Variants in PSMB5 observed in about 807,000 individuals in gnomAD.
The protein encoded by PSMB5 is proteasome subunit beta type-5.
In PSMB5, 2 loss-of-function variants were observed where a neutral mutation model predicts 22.8. The ratio of observed to expected loss-of-function variants is 0.09; its 90% confidence interval spans 0.04 to 0.28. The LOEUF is 0.28. Among genes scored for constraint, PSMB5 ranks in the 10% least tolerant of loss-of-function variants. The probability of loss-of-function intolerance (pLI) is 1.00; values close to 1 mark genes in which losing one functional copy is unlikely to be tolerated. For missense variants in PSMB5, 269 were observed against 343.8 expected (o/e 0.78, Z 1.72); for synonymous variants, 133 against 135.3 (o/e 0.98, Z 0.12).
chr14:23,028,936 C>T (rs1029628477), intron 2 of PSMB5, among the ~76,000 whole-genome samples: 5 of 152,176 alleles, frequency 3.3e-5, no homozygotes, highest in East Asian at 1.9e-4. Flanking sequence ...CTCTCTTGTG[C>T]GCCACAAACC....
chr14:23,035,061 G>A (rs2046982263), upstream of PSMB5: 2 of 1,275,416 alleles, frequency 1.6e-6, no homozygotes, highest in Non-Finnish European at 1.0e-6. Context: ...TCACTGAAGG[G>A]GGTCGGGGAA....
upstream of PSMB5, chr14:23,035,191 A>G (rs9323251): frequency 0.012 from 4,148 of 344,570 alleles, 150 homozygotes; most frequent in African/African-American, 0.078. Context: ...GAAAACGTCC[A>G]TGTTGCGTAA....
At chr14:23,030,714 G>T (rs570301313) in intron 2 of PSMB5, among the ~76,000 whole-genome samples, 1 of 152,052 alleles carries the variant, frequency 6.6e-6, no homozygotes, top group South Asian at 2.1e-4. Flanking sequence ...ATCACCCGAG[G>T]TCAGGAGTTT....
At chr14:23,029,210 C>G (rs1321665211) in intron 2 of PSMB5, among the ~76,000 whole-genome samples, 2 of 152,134 alleles carry the variant, frequency 1.3e-5, no homozygotes, top group African/African-American at 4.8e-5. Flanking sequence ...TCAGGTGATT[C>G]TGATGTCTAC....
chr14:23,033,247 G>T, intron 2 of PSMB5, 121 bp downstream of exon 2: 1 of 1,029,742 alleles, frequency 9.7e-7, no homozygotes, highest in East Asian at 2.4e-5. Context: ...AGAGAAGGAA[G>T]GGCTAAGGAC....
chr14:23,026,195 G>C lies in PSMB5; in HGVS notation c.686C>G (p.Ser229Ter). The change falls in exon 3 of 3, where the codon TCA becomes TGA. Residue 229 changes from serine (S) to a stop codon, truncating the protein, a stop_gained. Coordinates refer to ENST00000361611, the MANE Select transcript of PSMB5 (RefSeq NM_002797.5). LOFTEE classifies it high-confidence loss of function. ...GTGGTAGAGGTTGACTGCACCTCCT[G>C]AGTAGGCATCTCTGTAGGTGGCTTG... ...IYQATYRDAYSGGAVNLYHVR... is the reference protein window; with the variant it reads ...IYQATYRDAY The C allele has an allele frequency of 6.2e-7, 1 of 1,614,116 alleles. No homozygotes were observed. Among genetic ancestry groups the C allele is most frequent in the Non-Finnish European group, 8.5e-7 (1 of 1,180,008 alleles).
rs1252417164 is a variant in PSMB5 at position 23,027,425 on chromosome 14, A to T, written c.506-1050T>A. 4.3e-5 allele frequency among the ~76,000 whole-genome samples: 4 copies of T among 92,752 alleles called. No homozygotes were observed. The East Asian group carries it at 6.6e-4, about 15-fold the overall frequency. The allele number at this position is 92,752 out of a possible 152,430, so 60.8% of individuals were successfully genotyped here. A position where few individuals can be genotyped will look rare whatever the true frequency, so the allele number is the denominator to read the frequency against. On this transcript the variant is annotated intron_variant, in intron 2 of 2. Transcript: ENST00000361611. ...ATAATAATAATAAATAAATAAAATA[A>T]TATATATATATATAAAAGAGAAACC...
At chr14:23,033,940 G>A (rs1035856818) in intron 1 of PSMB5, among the ~76,000 whole-genome samples, 2 of 152,110 alleles carry the variant, frequency 1.3e-5, no homozygotes, top group Admixed American at 1.3e-4. Context: ...GGAGACCAAG[G>A]CGGGAGGACC....
intron 2 of PSMB5, among the ~76,000 whole-genome samples, chr14:23,028,583 T>C (rs1285244720): frequency 6.6e-6 from 1 of 152,252 alleles, no homozygotes; most frequent in African/African-American, 2.4e-5. Context: ...ATATTTCTAT[T>C]GCTGGTATAG....
chr14:23,033,448 A>G lies in PSMB5; in HGVS notation c.425T>C (p.Leu142Pro). The G allele has an allele frequency of 6.2e-7, 1 of 1,614,086 alleles. No individual in the cohort carries two copies. The highest frequency in any genetic ancestry group is 8.5e-7 in the Non-Finnish European group (1 of 1,180,020). ...TTTGTACTGATACACCATGTTGGCA[A>G]GCAGTTTGGAGGCAGCTGCTACAGA... Reference protein sequence around the residue: ...RISVAAASKLLANMVYQYKGM... With the variant: ...RISVAAASKLPANMVYQYKGM... The change falls in exon 2 of 3, where the codon CTT becomes CCT. Residue 142 changes from leucine (L) to proline (P), a missense_variant. Transcript: ENST00000361611.
chr14:23,030,042 A>G lies in PSMB5; in HGVS notation c.505+3326T>C, dbSNP rs1040877763. ...GTGATCCGCCCGCCTCGGCCTCCCA[A>G]TAATTTTGTATTTTTAGTAGAGACA... On this transcript the variant is annotated intron_variant, in intron 2 of 2. Coordinates refer to ENST00000361611, the MANE Select transcript of PSMB5 (RefSeq NM_002797.5). Among the ~76,000 whole-genome samples, 27 of 151,910 alleles carry G rather than the reference A, an allele frequency of 1.8e-4. 1 individual carries two copies. Among genetic ancestry groups the G allele is most frequent in the African/African-American group, 6.3e-4 (26 of 41,460 alleles).
intron 2 of PSMB5, among the ~76,000 whole-genome samples, chr14:23,033,040 G>A (rs1723571407): frequency 6.6e-6 from 1 of 151,624 alleles, no homozygotes; most frequent in Non-Finnish European, 1.5e-5. Flanking sequence ...CTGAGCAGCT[G>A]GTATTACAGG....
At chr14:23,032,104 G>C (rs1352098213) in intron 2 of PSMB5, among the ~76,000 whole-genome samples, 1 of 151,988 alleles carries the variant, frequency 6.6e-6, no homozygotes, top group Admixed American at 6.6e-5. Context: ...CCTCAAAAAA[G>C]AGAGGAGCCC....
At chr14:23,030,900 G>C (rs2139918082) in intron 2 of PSMB5, among the ~76,000 whole-genome samples, 1 of 152,246 alleles carries the variant, frequency 6.6e-6, no homozygotes, top group South Asian at 2.1e-4. Flanking sequence ...ACTCCAGCAT[G>C]GGTGACAAGA....
chr14:23,027,918 T>C (rs1412309633), intron 2 of PSMB5: 6 of 891,544 alleles, frequency 6.7e-6, no homozygotes, highest in Non-Finnish European at 1.0e-5. Flanking sequence ...CCGAGGCAGG[T>C]GGGTCACCTG....
At chr14:23,031,651 T>G (rs1402145003) in intron 2 of PSMB5, among the ~76,000 whole-genome samples, 2 of 152,172 alleles carry the variant, frequency 1.3e-5, no homozygotes, top group African/African-American at 4.8e-5. Flanking sequence ...GATGAGGAAA[T>G]GACATTAAAT....
chr14:23,033,950 C>T (rs189949854), intron 1 of PSMB5, among the ~76,000 whole-genome samples: 1 of 152,008 alleles, frequency 6.6e-6, no homozygotes, highest in African/African-American at 2.4e-5. Context: ...GCGGGAGGAC[C>T]GCTTGAGGCC....
intron 2 of PSMB5, among the ~76,000 whole-genome samples, 163 bp from the exon 3 acceptor site, chr14:23,026,538 C>T (rs1353308916): frequency 6.6e-6 from 1 of 151,966 alleles, no homozygotes; most frequent in African/African-American, 2.4e-5. Flanking sequence ...CAACCTCCGC[C>T]TCCTGGGTTA....
At chr14:23,026,415 T>C (rs919693710) in intron 2 of PSMB5, 40 bp from the exon 3 acceptor site, 2 of 1,579,046 alleles carry the variant, frequency 1.3e-6, no homozygotes, top group Non-Finnish European at 1.7e-6. Context: ...AAAAAAAAGA[T>C]CACCCCTTTT....
Sources: gnomAD v4.1 joint callset for allele counts (sites outside exome capture counted in the v4.1 genomes callset) on GRCh38, gnomAD v4.1.1 for gene constraint, MANE v1.5 for transcripts, NCBI Gene and HGNC (gene_info 2026-07-23, HGNC 2026-07-21) for gene names.